LRRC37A2: variants seen among roughly 807,000 people sequenced by gnomAD.
LRRC37A2 encodes leucine-rich repeat-containing protein 37A2.
LRRC37A2 carries 9 observed loss-of-function variants against 68.8 expected under a neutral mutation model. The ratio of observed to expected loss-of-function variants is 0.13; its 90% CI spans 0.08 to 0.23. The LOEUF is 0.23. Ranked by LOEUF, LRRC37A2 falls within the 10% of genes least tolerant of loss-of-function variation. The pLI, the probability that LRRC37A2 is intolerant of heterozygous loss-of-function variation, is 1.00. For missense variants in LRRC37A2, 168 were observed against 950.4 expected (o/e 0.18, Z 10.82); for synonymous variants, 63 against 367.6 (o/e 0.17, Z 9.48).
At chr17:46,813,607 C>A in the LRRC37A2 span, among the ~76,000 whole-genome samples, 1 of 151,964 alleles carries the variant, frequency 6.6e-6, no homozygotes, top group Non-Finnish European at 1.5e-5. Flanking sequence ...CTGCTCAACT[C>A]CTGGCTCATC....
chr17:47,020,725 T>C, the LRRC37A2 span, among the ~76,000 whole-genome samples: 1 of 123,738 alleles, frequency 8.1e-6, no homozygotes, highest in African/African-American at 3.2e-5. Context: ...GAGCTTGCAG[T>C]GAGCCAAGAT....
the LRRC37A2 span, among the ~76,000 whole-genome samples, chr17:46,934,702 A>T: frequency 6.6e-6 from 1 of 152,234 alleles, no homozygotes; most frequent in Non-Finnish European, 1.5e-5. Flanking sequence ...AGTCAGAGAA[A>T]GCCTTTAGGA....
At chr17:46,550,324 AAAAG>A in intron 10 of LRRC37A2, 87 bp from the exon 10 acceptor site, 5 of 340,640 alleles carry the variant, frequency 1.5e-5, no homozygotes, top group Middle Eastern at 1.2e-3. Context: ...AAAAAAATAA[AAAAG>A]AACCTGTCAG....
the LRRC37A2 span, among the ~76,000 whole-genome samples, chr17:46,599,921 C>A: frequency 8.4e-6 from 1 of 119,282 alleles, no homozygotes; most frequent in Non-Finnish European, 1.7e-5. Context: ...ATTGACTCTT[C>A]TTTGTATTGC....
At chr17:46,791,614 C>T in the LRRC37A2 span, among the ~76,000 whole-genome samples, 4 of 152,240 alleles carry the variant, frequency 2.6e-5, no homozygotes, top group African/African-American at 7.2e-5. Flanking sequence ...GTCACTCCAC[C>T]AGGCCAGGCA....
chr17:46,888,192 C>T, the LRRC37A2 span, among the ~76,000 whole-genome samples: 15 of 152,040 alleles, frequency 9.9e-5, no homozygotes, highest in Non-Finnish European at 2.1e-4. Flanking sequence ...AGAAAGCTTC[C>T]CAGAGAAGTG....
At chr17:46,749,075 G>C in the LRRC37A2 span, among the ~76,000 whole-genome samples, 5 of 152,066 alleles carry the variant, frequency 3.3e-5, no homozygotes, top group Admixed American at 6.6e-5. Flanking sequence ...CATATTTAAA[G>C]CTGAAAACAA....
the LRRC37A2 span, chr17:47,018,477 G>T: frequency 4.6e-6 from 7 of 1,530,290 alleles, no homozygotes; most frequent in South Asian, 1.1e-5. Context: ...TAGTGCAGAG[G>T]TGGGAAATTC....
At chr17:46,816,941 C>T in the LRRC37A2 span, among the ~76,000 whole-genome samples, 1 of 152,336 alleles carries the variant, frequency 6.6e-6, no homozygotes, top group South Asian at 2.1e-4. Flanking sequence ...GGCCGAACCT[C>T]CTTCCTGAAG....
chr17:46,909,939 G>A, the LRRC37A2 span: 1 of 152,536 alleles, frequency 6.6e-6, no homozygotes, highest in Non-Finnish European at 1.5e-5. Flanking sequence ...CCTCCTGGCA[G>A]GCTGAAGGCA....
the LRRC37A2 span, among the ~76,000 whole-genome samples, chr17:46,495,650 G>C: frequency 6.6e-6 from 1 of 150,832 alleles, no homozygotes; most frequent in Non-Finnish European, 1.5e-5. Context: ...CTCCCAAAGT[G>C]ATGGGACTAC....
At chr17:46,500,498 G>C in the LRRC37A2 span, among the ~76,000 whole-genome samples, 2 of 149,754 alleles carry the variant, frequency 1.3e-5, no homozygotes, top group Non-Finnish European at 2.9e-5. Flanking sequence ...GATGATTTTT[G>C]TGGCACCTCC....
the LRRC37A2 span, among the ~76,000 whole-genome samples, chr17:46,390,146 G>A: frequency 8.3e-5 from 11 of 131,918 alleles, no homozygotes; most frequent in East Asian, 1.5e-3. Flanking sequence ...TCTGTGTGGC[G>A]GAGAGACAGC....
chr17:46,953,624 C>T, the LRRC37A2 span, among the ~76,000 whole-genome samples: 1 of 152,220 alleles, frequency 6.6e-6, no homozygotes, highest in Admixed American at 6.5e-5. Context: ...AATCGCCACA[C>T]TGACTTCCAC....
At chr17:46,771,568 GGGGCCCGCT>G in the LRRC37A2 span, among the ~76,000 whole-genome samples, 1 of 148,646 alleles carries the variant, frequency 6.7e-6, no homozygotes, top group Non-Finnish European at 1.5e-5. Flanking sequence ...CCCGTCCGGC[GGGGCCCGCT>G]GGGCCGCTCA....
the LRRC37A2 span, chr17:46,821,287 T>G: frequency 3.9e-5 from 6 of 152,256 alleles, no homozygotes; most frequent in South Asian, 2.1e-4. Context: ...GAGGTGTGTG[T>G]GGGGATTTCC....
chr17:46,889,107 A>C, the LRRC37A2 span, among the ~76,000 whole-genome samples: 1 of 152,104 alleles, frequency 6.6e-6, no homozygotes, highest in African/African-American at 2.4e-5. Context: ...TGCAGAGCCT[A>C]CTAAGTGCAA....
the LRRC37A2 span, among the ~76,000 whole-genome samples, chr17:46,766,285 A>G: frequency 0.031 from 4,716 of 152,092 alleles, 144 homozygotes; most frequent in African/African-American, 0.07. Flanking sequence ...GCGGGCACCT[A>G]TAATCCCAGC....
At chr17:46,965,947 A>T in the LRRC37A2 span, among the ~76,000 whole-genome samples, 1 of 151,920 alleles carries the variant, frequency 6.6e-6, no homozygotes, top group Non-Finnish European at 1.5e-5. Context: ...ACTTTTCTTT[A>T]ATATGTCCTG....
Sources: allele counts gnomAD v4.1 joint callset (sites outside exome capture counted in the v4.1 genomes callset), GRCh38; gene constraint gnomAD v4.1.1; transcripts MANE v1.5; gene names NCBI Gene and HGNC (gene_info 2026-07-23, HGNC 2026-07-21).